The following AGBL5 variants were observed in gnomAD, a reference collection of about 807,000 sequenced individuals.
The protein encoded by AGBL5 is cytosolic carboxypeptidase-like protein 5.
AGBL5 carries 51 observed loss-of-function variants against 88.0 expected under a neutral mutation model. The ratio of observed to expected loss-of-function variants is 0.58; its 90% confidence interval spans 0.46 to 0.73. AGBL5 has a LOEUF of 0.73. Ranked by LOEUF, AGBL5 falls within the 30% of genes least tolerant of loss-of-function variation. AGBL5 has a pLI of 0.00. For synonymous variants in AGBL5, 446 were observed against 438.8 expected (o/e 1.02, Z -0.21); for missense variants, 1,031 against 1,162.2 (o/e 0.89, Z 1.64).
rs1043469186 is a variant in AGBL5 at position 27,070,012 on chromosome 2, C to T, written c.2490-80C>T. ...CATCTTCATCTCGCTCCACTTCTTTCACTTCCCAGCCCCTGGTTAGCAGAA... is the reference window on the plus strand; with the variant it reads ...CATCTTCATCTCGCTCCACTTCTTTTACTTCCCAGCCCCTGGTTAGCAGAA... On this transcript the variant is annotated intron_variant, in intron 14 of 14. Transcript: ENST00000360131. The T allele has an allele frequency of 1.6e-5, 25 of 1,540,612 alleles. No homozygotes were observed. The African/African-American group carries it at 2.9e-4, about 18-fold the overall frequency.
At chr2:27,052,753 G>C (rs1668222804) in intron 1 of AGBL5, among the ~76,000 whole-genome samples, 160 bp from the exon 2 acceptor site, 1 of 152,154 alleles carries the variant, frequency 6.6e-6, no homozygotes, top group Non-Finnish European at 1.5e-5. Context: ...CTTTCTCTTG[G>C]CCTTTGCTGG....
chr2:27,051,219 ATTAGCTCAAATGGTAGAGCGCTCGC>A (rs1281999966), upstream of AGBL5, among the ~76,000 whole-genome samples: 2 of 152,278 alleles, frequency 1.3e-5, no homozygotes, highest in South Asian at 2.1e-4. Context: ...CAGGCGGGGG[ATTAGCTCAAATGGTAGAGCGCTCGC>A]TTAGCATGCG....
rs1304516206 is a variant in AGBL5, at chr2:27,070,297, C to G, written c.*34C>G. ...TTATGTTCAAGCCCAGGATATAGCC[C>G]CAAGATGGGGTAACAGTGGGAAATA... On this transcript the variant is annotated 3_prime_UTR_variant, in exon 15 of 15. Transcript: ENST00000360131. The G allele has an allele frequency of 5.0e-6, 8 of 1,602,902 alleles. No homozygotes were observed. Among genetic ancestry groups the G allele is most frequent in the Non-Finnish European group, 6.0e-6 (7 of 1,170,190 alleles).
rs571331292 is a variant in AGBL5, at chr2:27,067,460, T to G, written c.2090-34T>G. The G allele has an allele frequency of 4.6e-5, 74 of 1,600,170 alleles. 2 individuals carry two copies. The South Asian group carries it at 7.7e-4, about 17-fold the overall frequency. ...GCTGCCTCATAGTGCCCCACTTATT[T>G]GCCCTTTTATCTGCTTGTATCTCTT... On this transcript the variant is annotated intron_variant, in intron 11 of 14. Coordinates refer to ENST00000360131, the MANE Select transcript of AGBL5 (RefSeq NM_021831.6).
At chr2:27,068,521 A>G in intron 12 of AGBL5, 111 bp from the exon 13 acceptor site, 1 of 879,442 alleles carries the variant, frequency 1.1e-6, no homozygotes. Flanking sequence ...CACGATAAAG[A>G]ATTATCCAAC....
chr2:27,053,385 C>T lies in AGBL5; in HGVS notation c.216-17C>T. 1.2e-6 allele frequency: 2 copies of T among 1,613,124 alleles called. No homozygotes were observed. The highest frequency in any genetic ancestry group is 8.5e-7 in the Non-Finnish European group (1 of 1,179,472). Reference sequence around the variant, plus strand: ...CCCTTCCACACGTAATGACCTCTCTCTTACTCTGGTCCTCAGGTCATGGTT... The same window carrying T: ...CCCTTCCACACGTAATGACCTCTCTTTTACTCTGGTCCTCAGGTCATGGTT... On this transcript the variant is annotated splice_polypyrimidine_tract_variant and intron_variant, in intron 2 of 14. Coordinates refer to ENST00000360131, the MANE Select transcript of AGBL5 (RefSeq NM_021831.6). The surrounding 1 kb of genome is among the most constrained non-coding windows in gnomAD (Gnocchi z 4.9).
chr2:27,063,550 G>A (rs372133312), intron 11 of AGBL5, among the ~76,000 whole-genome samples: 8 of 150,318 alleles, frequency 5.3e-5, no homozygotes, highest in South Asian at 2.1e-4. Flanking sequence ...AGCCCAGATC[G>A]CGCTACTGCA....
At chr2:27,059,531 C>T in intron 11 of AGBL5, 127 bp downstream of exon 11, 2 of 1,534,172 alleles carry the variant, frequency 1.3e-6, no homozygotes, top group Non-Finnish European at 1.7e-6. Context: ...TAGTTTGTAG[C>T]AGAACCTGTG....
chr2:27,057,411 C>T lies in AGBL5; in HGVS notation c.1644C>T (p.Ser548=). 2.5e-6 allele frequency: 4 copies of T among 1,613,384 alleles called. No homozygotes were observed. Among genetic ancestry groups the T allele is most frequent in the Non-Finnish European group, 3.4e-6 (4 of 1,179,634 alleles). ...CCCCTCCCCCGCCGGCTTTCCCCTC[C>T]AGATACACTGTGGAACTATTTGAGC... ...ASPPPPPAFP[S]RYTVELFEQV... Residue 548 remains serine, a synonymous_variant, in exon 9 of 15, where the codon TCC becomes TCT. Transcript: ENST00000360131.
At position 27,059,262 on chromosome 2, in the gene AGBL5, T is replaced by G; in HGVS notation, c.1947T>G (p.Gly649=). ...GTTTTAGCACCGGCACAAGTGCCGG[T>G]GGTAGCAGCAGCAGCCAACAAAATT... ...ARSFSTGTSA[G]GSSSSQQNSP... Residue 649 remains glycine, a synonymous_variant, in exon 11 of 15, where the codon GGT becomes GGG. Transcript: ENST00000360131. 1 of 1,614,138 alleles carries G rather than the reference T, an allele frequency of 6.2e-7. No individual in the cohort carries two copies. The highest frequency in any genetic ancestry group is 1.1e-5 in the South Asian group (1 of 91,074).
chr2:27,064,283 A>G (rs1021036233), intron 11 of AGBL5, among the ~76,000 whole-genome samples: 1 of 146,120 alleles, frequency 6.8e-6, no homozygotes, highest in African/African-American at 2.5e-5. Context: ...GCCCCCTAAC[A>G]TCTGGTTGTT....
In AGBL5 at chr2:27,069,634, G is replaced by A; in HGVS notation, c.2417G>A (p.Gly806Asp). The A allele has an allele frequency of 6.2e-7, 1 of 1,614,162 alleles. No individual in the cohort carries two copies. Among genetic ancestry groups the A allele is most frequent in the Non-Finnish European group, 8.5e-7 (1 of 1,180,006 alleles). ...CGCAGAGGGATGAAAGGCTCTTCAG[G>A]CCCCACATCCCCTACCCCCCGGACC... ...PTRRGMKGSS[G>D]PTSPTPRTRE... The change falls in exon 14 of 15, where the codon GGC becomes GAC. Residue 806 changes from glycine (G) to aspartate (D), a missense_variant. Coordinates refer to ENST00000360131, the MANE Select transcript of AGBL5 (RefSeq NM_021831.6).
At chr2:27,058,727 G>C in intron 10 of AGBL5, 125 bp downstream of exon 10, 5 of 1,059,796 alleles carry the variant, frequency 4.7e-6, no homozygotes, top group Non-Finnish European at 6.8e-6. Context: ...ATATCTTCAG[G>C]GTAAATTAAA....
At chr2:27,057,150 A>C (rs1668475460) in intron 8 of AGBL5, among the ~76,000 whole-genome samples, 153 bp from the exon 9 acceptor site, 1 of 152,192 alleles carries the variant, frequency 6.6e-6, no homozygotes, top group African/African-American at 2.4e-5. Context: ...TACAGTACCA[A>C]GGTCAGCTGC....
upstream of AGBL5, among the ~76,000 whole-genome samples, chr2:27,051,200 A>T (rs1464304174): frequency 6.6e-6 from 1 of 152,192 alleles, no homozygotes; most frequent in Non-Finnish European, 1.5e-5. Flanking sequence ...AAGGGAAAGA[A>T]CTAAGCAGCA....
Position 27,054,640 on chromosome 2 carries a change from ACCATCTATTACCATCGGGAGCTCC to A in AGBL5, c.563_586del (p.Thr188_Leu196delinsIle). ...TTTTTTTCCCTGTAGCCCCCTGGATACCATCTATTACCATCGGGAGCTCCTTTGCTATTCTCTGGATGGACTTCG... is the reference window on the plus strand; with the variant it reads ...TTTTTTTCCCTGTAGCCCCCTGGATATTTGCTATTCTCTGGATGGACTTCG... On this transcript the variant is annotated inframe_deletion, in exon 5 of 15. Transcript: ENST00000360131. 1 of 1,613,452 alleles carries A rather than the reference ACCATCTATTACCATCGGGAGCTCC, an allele frequency of 6.2e-7. No individual in the cohort carries two copies. The highest frequency in any genetic ancestry group is 8.5e-7 in the Non-Finnish European group (1 of 1,179,734).
At chr2:27,050,713 G>T (rs935629596), upstream of AGBL5, among the ~76,000 whole-genome samples, 1 of 152,208 alleles carries the variant, frequency 6.6e-6, no homozygotes, top group Non-Finnish European at 1.5e-5. Flanking sequence ...TGGAGAAAGC[G>T]GGGGTCATGG....
chr2:27,057,415 T>C lies in AGBL5; in HGVS notation c.1648T>C (p.Tyr550His), dbSNP rs1309087094. ...PPPPPAFPSR[Y>H]TVELFEQVGR... is the part of the protein sequence containing the mutation. ...TCCCCCGCCGGCTTTCCCCTCCAGA[T>C]ACACTGTGGAACTATTTGAGCAGGT... The change falls in exon 9 of 15, where the codon TAC (tyrosine) becomes CAC (histidine). Residue 550 changes from tyrosine to histidine, a missense_variant. Coordinates refer to ENST00000360131, the MANE Select transcript of AGBL5 (RefSeq NM_021831.6). 7 of 1,613,154 alleles carry C rather than the reference T, an allele frequency of 4.3e-6. No individual in the cohort carries two copies. The highest frequency in any genetic ancestry group is 5.9e-6 in the Non-Finnish European group (7 of 1,179,532).
At position 27,055,843 on chromosome 2, in the gene AGBL5, C is replaced by G; in HGVS notation, c.1070C>G (p.Pro357Arg). 1 of 1,614,204 alleles carries G rather than the reference C, an allele frequency of 6.2e-7. No individual in the cohort carries two copies. The highest frequency in any genetic ancestry group is 1.1e-5 in the South Asian group (1 of 91,078). Residue 357 changes from proline (P) to arginine (R), a missense_variant, in exon 7 of 15, where the codon CCT becomes CGT. By Grantham distance (103) the Pro-to-Arg change is moderately radical. Around this residue, in one of 2 missense-constraint regions of AGBL5, gnomAD observed 540 missense variants for 678.2 expected, o/e 0.80. Coordinates refer to ENST00000360131, the MANE Select transcript of AGBL5 (RefSeq NM_021831.6). ...SSEHQPSSCL[P>R]PDAPVSDLEK... Reference sequence around the variant, plus strand: ...GAGCACCAGCCCAGTTCCTGTCTCCCTCCTGATGCTCCTGTTTCTGACCTG... The same window carrying G: ...GAGCACCAGCCCAGTTCCTGTCTCCGTCCTGATGCTCCTGTTTCTGACCTG...
Sources: allele counts gnomAD v4.1 joint callset (sites outside exome capture counted in the v4.1 genomes callset), GRCh38; gene constraint gnomAD v4.1.1; regional missense constraint gnomAD v4.1.1; non-coding constraint Gnocchi (gnomAD v3.1); transcripts MANE v1.5; gene names NCBI Gene and HGNC (gene_info 2026-07-23, HGNC 2026-07-21).